The following TRUB2 variants were observed in gnomAD, a reference collection of about 807,000 sequenced individuals.
TRUB2 encodes pseudouridylate synthase TRUB2, mitochondrial.
TRUB2 carries 31 observed loss-of-function variants against 31.9 expected under a neutral mutation model. The observed-to-expected ratio is 0.97, with a 90% CI of 0.73 to 1.31. The LOEUF (loss-of-function observed/expected upper bound fraction) is 1.31. Ranked by LOEUF, TRUB2 falls within the 50% of genes most tolerant of loss-of-function variation. The probability of loss-of-function intolerance (pLI) is 0.00; values close to 1 mark genes in which losing one functional copy is unlikely to be tolerated. For synonymous variants in TRUB2, 201 were observed against 182.6 expected, an observed-to-expected ratio of 1.10 and a Z score of -0.81; for missense variants, 451 against 439.6, an observed-to-expected ratio of 1.03 and a Z score of -0.23.
chr9:128,314,141 A>T (rs1015311230), intron 4 of TRUB2, among the ~76,000 whole-genome samples: 1 of 152,142 alleles, frequency 6.6e-6, no homozygotes, highest in African/African-American at 2.4e-5. Flanking sequence ...GTCTCACAGT[A>T]CTGCTGCCTG....
chr9:128,311,075 C>G (rs775135426), intron 6 of TRUB2, 52 bp from the exon 7 acceptor site: 3 of 1,596,736 alleles, frequency 1.9e-6, no homozygotes, highest in East Asian at 2.3e-5. Context: ...CCCTTTCCCC[C>G]ACATGAGGTG....
At position 128,305,996 on chromosome 9, in the gene TRUB2, C is replaced by G. The variant is rs776361401; in HGVS notation, c.*3554G>C. 1 of 152,204 alleles carries G rather than the reference C, an allele frequency of 6.6e-6. No individual in the cohort carries two copies. Among genetic ancestry groups the G allele is most frequent in the Non-Finnish European group, 1.5e-5 (1 of 68,048 alleles). 9.4% of individuals were successfully genotyped at this position (152,204 alleles called of 1,614,324 possible). A position where few individuals can be genotyped will look rare whatever the true frequency, so the allele number is the denominator to read the frequency against. On this transcript the variant is annotated 3_prime_UTR_variant, in exon 8 of 8. Coordinates refer to ENST00000372890, the MANE Select transcript of TRUB2 (RefSeq NM_015679.3). ...TACAGGCATGAGCCGCCACACCCAGCAGAATTTTAATTTAAAAGCTCAGCT... is the reference window on the plus strand; with the variant it reads ...TACAGGCATGAGCCGCCACACCCAGGAGAATTTTAATTTAAAAGCTCAGCT...
At chr9:128,321,837 T>C in intron 1 of TRUB2, 107 bp from the exon 2 acceptor site, 1 of 1,236,342 alleles carries the variant, frequency 8.1e-7, no homozygotes, top group East Asian at 2.6e-5. Context: ...TGAAGTGCAA[T>C]GGCGCCATCA....
At chr9:128,319,237 A>C (rs1208911070) in intron 2 of TRUB2, among the ~76,000 whole-genome samples, 2 of 151,462 alleles carry the variant, frequency 1.3e-5, no homozygotes, top group African/African-American at 4.9e-5. Context: ...GAGGCAGGAG[A>C]ATGGCGTGAA....
intron 4 of TRUB2, among the ~76,000 whole-genome samples, chr9:128,315,126 G>A (rs148476755): frequency 6.6e-6 from 1 of 152,328 alleles, no homozygotes; most frequent in African/African-American, 2.4e-5. Context: ...TGGGTAGGAT[G>A]CTGACATCTA....
chr9:128,312,465 C>T (rs1831988514), intron 5 of TRUB2, among the ~76,000 whole-genome samples: 1 of 150,868 alleles, frequency 6.6e-6, no homozygotes, highest in African/African-American at 2.4e-5. Flanking sequence ...GAATCTCGCT[C>T]TGTTGCCCAG....
At chr9:128,314,378 T>C (rs2131447919) in intron 4 of TRUB2, among the ~76,000 whole-genome samples, 1 of 152,216 alleles carries the variant, frequency 6.6e-6, no homozygotes, top group African/African-American at 2.4e-5. Context: ...CGCCTCTAAA[T>C]AGAATGAGAT....
intron 1 of TRUB2, 137 bp from the exon 2 acceptor site, chr9:128,321,867 A>C: frequency 1.0e-6 from 1 of 990,240 alleles, no homozygotes. Flanking sequence ...GTAACGTCAA[A>C]CTCTTGGGCT....
intron 2 of TRUB2, 121 bp downstream of exon 2, chr9:128,321,478 A>ATT (rs1272997837): frequency 6.5e-7 from 1 of 1,528,760 alleles, no homozygotes; most frequent in East Asian, 2.3e-5. Flanking sequence ...TCCTGGTCTA[A>ATT]TACCTCACTC....
At chr9:128,310,252 G>A (rs777697802) in intron 7 of TRUB2, among the ~76,000 whole-genome samples, 1 of 151,932 alleles carries the variant, frequency 6.6e-6, no homozygotes, top group Non-Finnish European at 1.5e-5. Context: ...ATCACAACTG[G>A]CTAATTTTTT....
rs915971583 is a variant in TRUB2, at chr9:128,308,011, C to A, written c.*1539G>T. ...CTGGGAGGCTGAGGTGGGCGGATCA[C>A]CTGAGGTCAGGAGTTCCAGACCAGC... On this transcript the variant is annotated 3_prime_UTR_variant, in exon 8 of 8. Transcript: ENST00000372890. 1 of 151,624 alleles carries A rather than the reference C, an allele frequency of 6.6e-6. No homozygotes were observed. The highest frequency in any genetic ancestry group is 2.4e-5 in the African/African-American group (1 of 41,190). The allele number at this position is 151,624 out of a possible 1,614,324, so 9.4% of individuals were successfully genotyped here.
intron 7 of TRUB2, 133 bp from the exon 8 acceptor site, chr9:128,310,008 G>T: frequency 2.0e-6 from 2 of 985,394 alleles, no homozygotes; most frequent in Non-Finnish European, 3.0e-6. Context: ...TCCAGGTTGT[G>T]CTATTCAGAG....
rs1002641006 is a variant in TRUB2, at chr9:128,318,250, A to G, written c.242-1024T>C. Among the ~76,000 whole-genome samples the G allele has an allele frequency of 9.2e-5, 14 of 152,172 alleles. 1 individual carries two copies. The highest frequency in any genetic ancestry group is 1.3e-4 in the Non-Finnish European group (9 of 68,026). On this transcript the variant is annotated intron_variant, in intron 2 of 7. Transcript: ENST00000372890. The stretch of plus-strand genomic sequence containing the variant: ...TCCCAGCTACTTGGGAGGCTGAGGC[A>G]AGAGAATAGCTTGAACCTGGGAGAT...
Position 128,309,764 on chromosome 9 carries a change from C to A in TRUB2, c.782G>T (p.Gly261Val). 5.0e-6 allele frequency: 8 copies of A among 1,614,240 alleles called. No individual in the cohort carries two copies. Among genetic ancestry groups the A allele is most frequent in the Non-Finnish European group, 6.8e-6 (8 of 1,180,042 alleles). Reference protein sequence around the residue: ...VCTQVRRTRDGFFTLDSALLR... With the variant: ...VCTQVRRTRDVFFTLDSALLR... ...GAGGGCACTGTCTAGCGTGAAGAAG[C>A]CGTCGCGCGTGCGCCGCACTTGGGT... Residue 261 changes from glycine (G) to valine (V), a missense_variant, in exon 8 of 8, where the codon GGC (glycine) becomes GTC (valine). Gly to Val is a moderately radical substitution (Grantham distance 109). Coordinates refer to ENST00000372890, the MANE Select transcript of TRUB2 (RefSeq NM_015679.3).
At chr9:128,320,878 TC>T (rs1201184002) in intron 2 of TRUB2, among the ~76,000 whole-genome samples, 1 of 152,008 alleles carries the variant, frequency 6.6e-6, no homozygotes, top group Non-Finnish European at 1.5e-5. Context: ...AACCTCCGCC[TC>T]CCGGGTTCAA....
chr9:128,316,995 ATCCAC>A, intron 3 of TRUB2, 152 bp downstream of exon 3: 1 of 628,460 alleles, frequency 1.6e-6, no homozygotes, highest in Non-Finnish European at 2.7e-6. Flanking sequence ...CGTCCCACCT[ATCCAC>A]TCCCCAGCTG....
Position 128,309,712 on chromosome 9 carries a change from G to A in TRUB2, c.834C>T (p.Asn278=), listed in dbSNP as rs1467688020. Residue 278 remains asparagine (N), a synonymous_variant, in exon 8 of 8, where the codon AAC becomes AAT. Transcript: ENST00000372890. The stretch of plus-strand genomic sequence containing the variant: ...TAGCAGCCCGGATAGCATCCTGGAT[G>A]TTGGTTAGGTCCCACTGGGTCCTCA... ...ALLRTQWDLT[N]IQDAIRAATP... is the part of the protein sequence containing the mutation. The A allele has an allele frequency of 6.2e-7, 1 of 1,614,130 alleles. No individual in the cohort carries two copies. The highest frequency in any genetic ancestry group is 1.3e-5 in the African/African-American group (1 of 74,944).
In TRUB2 at chr9:128,312,287, G is replaced by A. The variant is rs149161422; in HGVS notation, c.461-686C>T. 1.2e-3 allele frequency among the ~76,000 whole-genome samples: 175 copies of A among 150,364 alleles called. 1 individual carries two copies. The East Asian group carries it at 0.022, about 19-fold the overall frequency. ...TGAAAAGCTAGGATTAAAGGTACAC[G>A]CCAAGACACCCGGCTAGTTTTTGTA... is the stretch of plus-strand genomic sequence containing the variant. On this transcript the variant is annotated intron_variant, in intron 5 of 7. Coordinates refer to ENST00000372890, the MANE Select transcript of TRUB2 (RefSeq NM_015679.3).
At chr9:128,318,502 GT>G (rs560644359) in intron 2 of TRUB2, among the ~76,000 whole-genome samples, 3 of 148,416 alleles carry the variant, frequency 2.0e-5, no homozygotes, top group Non-Finnish European at 3.0e-5. Context: ...ACTGAAGACT[GT>G]TTTTTTTTTG....
Sources: allele counts gnomAD v4.1 joint callset (sites outside exome capture counted in the v4.1 genomes callset), GRCh38; gene constraint gnomAD v4.1.1; transcripts MANE v1.5; gene names NCBI Gene and HGNC (gene_info 2026-07-23, HGNC 2026-07-21).